The following PRKAG2 variants were observed in gnomAD, a reference collection of about 807,000 sequenced individuals.
The protein encoded by PRKAG2 is 5'-AMP-activated protein kinase subunit gamma-2.
In PRKAG2, 26 loss-of-function variants were observed where a neutral mutation model predicts 69.6. The observed-to-expected ratio is 0.37, with a 90% CI of 0.27 to 0.52. The LOEUF (loss-of-function observed/expected upper bound fraction) is 0.52. Ranked by LOEUF, PRKAG2 falls within the 20% of genes least tolerant of loss-of-function variation. PRKAG2 has a pLI of 0.90. For missense variants in PRKAG2, 557 were observed against 740.0 expected (o/e 0.75, Z 2.87); for synonymous variants, 293 against 285.0 (o/e 1.03, Z -0.28).
intron 3 of PRKAG2, among the ~76,000 whole-genome samples, chr7:151,769,251 T>C (rs541649622): frequency 4.3e-4 from 65 of 152,312 alleles, no homozygotes; most frequent in African/African-American, 1.5e-3. Context: ...GTTGATGCTG[T>C]GGTTGTAGAC....
At chr7:151,832,354 C>A (rs1033852733) in intron 1 of PRKAG2, among the ~76,000 whole-genome samples, 1 of 152,052 alleles carries the variant, frequency 6.6e-6, no homozygotes, top group Admixed American at 6.5e-5. Context: ...ACCAAGGAGA[C>A]CTGCTTGTTG....
chr7:151,717,875 C>T (rs901376604), intron 3 of PRKAG2, among the ~76,000 whole-genome samples: 5 of 152,190 alleles, frequency 3.3e-5, no homozygotes, highest in Non-Finnish European at 7.3e-5. Flanking sequence ...AAGGAGCTGG[C>T]CTTGACCTTG....
chr7:151,857,955 C>G (rs746438710), intron 1 of PRKAG2, among the ~76,000 whole-genome samples: 1 of 152,198 alleles, frequency 6.6e-6, no homozygotes, highest in Non-Finnish European at 1.5e-5. Flanking sequence ...CTAAGGGGTA[C>G]AGGGTGCTGG....
intron 6 of PRKAG2, among the ~76,000 whole-genome samples, chr7:151,585,887 TG>T (rs1391110234): frequency 1.3e-5 from 2 of 152,170 alleles, no homozygotes; most frequent in Non-Finnish European, 2.9e-5. Context: ...GGTGGGCGGG[TG>T]AGTCAGCGCA....
intron 1 of PRKAG2, among the ~76,000 whole-genome samples, chr7:151,801,474 C>A (rs896955613): frequency 2.0e-5 from 3 of 152,168 alleles, no homozygotes; most frequent in Non-Finnish European, 2.9e-5. Context: ...AGGCCAGGGA[C>A]CAGCTGCAGG....
chr7:151,718,952 C>T (rs1386967854), intron 3 of PRKAG2, among the ~76,000 whole-genome samples: 4 of 152,124 alleles, frequency 2.6e-5, no homozygotes, highest in Non-Finnish European at 5.9e-5. Flanking sequence ...CCTGAGGGTG[C>T]CAGCCTGCAT....
rs571698598 is a variant in PRKAG2 at position 151,625,470 on chromosome 7, G to A, written c.754+6599C>T. ...GCGGACTCCTACAGGCAAAGGAAAA[G>A]TACCGGAGGCTTTAGAAATGAAAGC... On this transcript the variant is annotated intron_variant, in intron 5 of 15. Transcript: ENST00000287878. Among the ~76,000 whole-genome samples the A allele has an allele frequency of 2.0e-5, 3 of 152,220 alleles. No homozygotes were observed. In the East Asian group the frequency reaches 5.8e-4, roughly 29 times the overall value.
At position 151,780,917 on chromosome 7, in the gene PRKAG2, C is replaced by T. The variant is rs1000539403; in HGVS notation, c.466+235G>A. 1.1e-4 allele frequency among the ~76,000 whole-genome samples: 16 copies of T among 152,058 alleles called. No individual in the cohort carries two copies. The highest frequency in any genetic ancestry group is 3.6e-4 in the African/African-American group (15 of 41,382). ...CAGTTAACCCAAGGACCTTGCTGGACCAGAAGGATTACGCTTTGATAGATT... is the reference window on the plus strand; with the variant it reads ...CAGTTAACCCAAGGACCTTGCTGGATCAGAAGGATTACGCTTTGATAGATT... On this transcript the variant is annotated intron_variant, in intron 3 of 15. Coordinates refer to ENST00000287878, the MANE Select transcript of PRKAG2 (RefSeq NM_016203.4). The surrounding 1 kb of genome is among the most constrained non-coding windows in gnomAD (Gnocchi z 4.2).
chr7:151,872,581 G>A (rs1223359265), intron 1 of PRKAG2, among the ~76,000 whole-genome samples: 1 of 152,202 alleles, frequency 6.6e-6, no homozygotes, highest in Non-Finnish European at 1.5e-5. Context: ...ACCCTGCTAG[G>A]GATCCCCTGA....
At position 151,674,122 on chromosome 7, in the gene PRKAG2, C is replaced by T. The variant is rs141988109; in HGVS notation, c.684+1298G>A. Among the ~76,000 whole-genome samples, 778 of 152,268 alleles carry T rather than the reference C, an allele frequency of 5.1e-3. 7 individuals are homozygous for T. Among genetic ancestry groups the T allele is most frequent in the African/African-American group, 0.018 (748 of 41,560 alleles). ...CCTTCCAAAGTGCTGGGTTTACAGG[C>T]ATGAGCCACCGCACCTGGCCTTGTA... On this transcript the variant is annotated intron_variant, in intron 4 of 15. Transcript: ENST00000287878.
intron 3 of PRKAG2, among the ~76,000 whole-genome samples, chr7:151,692,179 C>A (rs1189943769): frequency 1.3e-5 from 2 of 151,862 alleles, no homozygotes; most frequent in African/African-American, 4.8e-5. Context: ...CAAAGTGAGA[C>A]CCTGTCTCAA....
intron 3 of PRKAG2, among the ~76,000 whole-genome samples, chr7:151,749,786 G>GAAAAA (rs34229915): frequency 8.0e-6 from 1 of 124,904 alleles, no homozygotes. Flanking sequence ...CAACCACACT[G>GAAAAA]AAAAAAAAAA....
At chr7:151,612,008 G>A (rs528001749) in intron 5 of PRKAG2, among the ~76,000 whole-genome samples, 2 of 152,180 alleles carry the variant, frequency 1.3e-5, no homozygotes, top group South Asian at 2.1e-4. Flanking sequence ...TTGTGTCACC[G>A]CACTCCAGCC....
At chr7:151,693,290 A>G (rs1451992346) in intron 3 of PRKAG2, among the ~76,000 whole-genome samples, 1 of 152,146 alleles carries the variant, frequency 6.6e-6, no homozygotes, top group Non-Finnish European at 1.5e-5. Flanking sequence ...CAAGGCGGCC[A>G]TAAGGAGACC....
rs2078878711 is a variant in PRKAG2, at chr7:151,825,109, G to A, written c.115-38568C>T. Among the ~76,000 whole-genome samples the A allele has an allele frequency of 2.0e-5, 3 of 152,290 alleles. No individual in the cohort carries two copies. The South Asian group carries it at 6.2e-4, about 32-fold the overall frequency. On this transcript the variant is annotated intron_variant, in intron 1 of 15. Coordinates refer to ENST00000287878, the MANE Select transcript of PRKAG2 (RefSeq NM_016203.4). Reference sequence around the variant, plus strand: ...GGCGCGTGTAATCTCAGCTACTCAGGAGGCTGAGGCAGGAGAATGGCTTGA... The same window carrying A: ...GGCGCGTGTAATCTCAGCTACTCAGAAGGCTGAGGCAGGAGAATGGCTTGA...
chr7:151,710,951 C>T (rs541520452), intron 3 of PRKAG2, among the ~76,000 whole-genome samples: 104 of 152,158 alleles, frequency 6.8e-4, no homozygotes, highest in African/African-American at 2.4e-3. Context: ...CAGTGCTAGG[C>T]ATATGGTACC....
At position 151,699,337 on chromosome 7, in the gene PRKAG2, G is replaced by A. The variant is rs1010587574; in HGVS notation, c.467-23700C>T. On this transcript the variant is annotated intron_variant, in intron 3 of 15. Transcript: ENST00000287878. This position sits in a 1 kb window ranked among gnomAD's most constrained non-coding sequence, Gnocchi z 4.5. ...TAGTCCCAGCAGATCTCCGGGAGATGCTGACTGCTGGCCGGATGCCTGTGT... is the reference window on the plus strand; with the variant it reads ...TAGTCCCAGCAGATCTCCGGGAGATACTGACTGCTGGCCGGATGCCTGTGT... Among the ~76,000 whole-genome samples the A allele has an allele frequency of 6.6e-6, 1 of 152,210 alleles. No homozygotes were observed. Among genetic ancestry groups the A allele is most frequent in the African/African-American group, 2.4e-5 (1 of 41,446 alleles).
intron 14 of PRKAG2, 144 bp downstream of exon 14, chr7:151,563,933 TG>T: frequency 9.3e-7 from 1 of 1,075,006 alleles, no homozygotes; most frequent in Non-Finnish European, 1.4e-6. Context: ...TGCCAGGTTC[TG>T]GGACAGGAGG....
At chr7:151,851,072 C>T (rs2079556425) in intron 1 of PRKAG2, among the ~76,000 whole-genome samples, 3 of 152,132 alleles carry the variant, frequency 2.0e-5, no homozygotes, top group African/African-American at 7.2e-5. Context: ...GGGATCGAGC[C>T]ACTCACACCC....
Sources: gnomAD v4.1 joint callset for allele counts (sites outside exome capture counted in the v4.1 genomes callset) on GRCh38, gnomAD v4.1.1 for gene constraint, Gnocchi (gnomAD v3.1) non-coding constraint, MANE v1.5 for transcripts, NCBI Gene and HGNC (gene_info 2026-07-23, HGNC 2026-07-21) for gene names.